DOCK3: variants seen among roughly 807,000 people sequenced by gnomAD.
DOCK3 encodes dedicator of cytokinesis protein 3.
A neutral mutation model predicts 265.6 loss-of-function variants in DOCK3; 60 were observed. The ratio of observed to expected loss-of-function variants is 0.23; its 90% CI spans 0.18 to 0.28. The LOEUF is 0.28. Ranked by LOEUF, DOCK3 falls within the 10% of genes least tolerant of loss-of-function variation. The pLI is 1.00. For synonymous variants in DOCK3, 881 were observed against 938.0 expected, an observed-to-expected ratio of 0.94 and a Z score of 1.11; for missense variants, 1,981 against 2,594.3, an observed-to-expected ratio of 0.76 and a Z score of 5.14.
chr3:50,697,234 G>A (rs998370664), intron 1 of DOCK3, among the ~76,000 whole-genome samples: 3 of 152,004 alleles, frequency 2.0e-5, no homozygotes, highest in African/African-American at 7.2e-5. Flanking sequence ...CCTGCCCATA[G>A]CACTGAATGC....
In DOCK3 at chr3:51,270,887, G is replaced by A. The variant is rs2080459256; in HGVS notation, c.2428G>A (p.Glu810Lys). The A allele has an allele frequency of 6.2e-7, 1 of 1,613,950 alleles. No individual in the cohort carries two copies. The highest frequency in any genetic ancestry group is 1.3e-5 in the African/African-American group (1 of 74,936). The change falls in exon 24 of 53, where the codon GAG (glutamate) becomes AAG (lysine). Residue 810 changes from glutamate (E) to lysine (K), a missense_variant. Around this residue, in one of 4 missense-constraint regions of DOCK3, gnomAD observed 1,357 missense variants for 1,866.8 expected, o/e 0.73. Transcript: ENST00000266037. ...AATGTTCACCGTGCAAGAGGTGGCA[G>A]AGTTTGTGAGAGGGACACTGGGGAG... ...LQMFTVQEVA[E>K]FVRGTLGSMP... is the part of the protein sequence containing the mutation.
intron 10 of DOCK3, among the ~76,000 whole-genome samples, chr3:51,147,195 T>C (rs954888864): frequency 6.6e-6 from 1 of 152,206 alleles, no homozygotes; most frequent in African/African-American, 2.4e-5. Flanking sequence ...TTCTCTGAGC[T>C]GTATAATTTC....
At chr3:51,101,813 A>G (rs1001474216) in intron 9 of DOCK3, among the ~76,000 whole-genome samples, 3 of 151,866 alleles carry the variant, frequency 2.0e-5, no homozygotes, top group East Asian at 1.9e-4. Context: ...TCCCATTTCT[A>G]CTCCTGCCTC....
chr3:50,702,893 G>T (rs1176521658), intron 1 of DOCK3, among the ~76,000 whole-genome samples: 1 of 152,140 alleles, frequency 6.6e-6, no homozygotes, highest in Non-Finnish European at 1.5e-5. Flanking sequence ...AATAAGAGTA[G>T]TGAAAGTGGG....
chr3:51,299,014 G>A (rs2109309631), intron 27 of DOCK3, among the ~76,000 whole-genome samples: 1 of 152,288 alleles, frequency 6.6e-6, no homozygotes, highest in Admixed American at 6.5e-5. Context: ...CACAATGGTT[G>A]AACTAATTTA....
intron 51 of DOCK3, chr3:51,379,381 G>A (rs556082640): frequency 1.0e-6 from 1 of 984,014 alleles, no homozygotes; most frequent in East Asian, 1.1e-4. Context: ...GAAGCCACAA[G>A]CTGTACTTCT....
Position 51,381,614 on chromosome 3 carries a change from C to G in DOCK3, c.*55C>G. On this transcript the variant is annotated 3_prime_UTR_variant, in exon 53 of 53. Coordinates refer to ENST00000266037, the MANE Select transcript of DOCK3 (RefSeq NM_004947.5). This position sits in a 1 kb window ranked among gnomAD's most constrained non-coding sequence, Gnocchi z 5.6. Reference sequence around the variant, plus strand: ...TCAGTAAGCAGCTTGCCAATCACTCCAGGTCTGAAAAGCAAGTCCCCCAGC... The same window carrying G: ...TCAGTAAGCAGCTTGCCAATCACTCGAGGTCTGAAAAGCAAGTCCCCCAGC... The G allele has an allele frequency of 6.9e-7, 1 of 1,445,470 alleles. No individual in the cohort carries two copies. The highest frequency in any genetic ancestry group is 9.1e-7 in the Non-Finnish European group (1 of 1,104,532). The allele number at this position is 1,445,470 out of a possible 1,614,324, so 89.5% of individuals were successfully genotyped here.
chr3:50,678,418 A>G (rs2034142985), intron 1 of DOCK3, among the ~76,000 whole-genome samples: 1 of 152,204 alleles, frequency 6.6e-6, no homozygotes, highest in Non-Finnish European at 1.5e-5. Flanking sequence ...TACCCAGAGT[A>G]CCAAATATAG....
intron 22 of DOCK3, among the ~76,000 whole-genome samples, chr3:51,247,018 A>G (rs1406558892): frequency 6.6e-6 from 1 of 152,124 alleles, no homozygotes; most frequent in Non-Finnish European, 1.5e-5. Context: ...AAGGAGGGAG[A>G]GATGATATGC....
At chr3:50,800,417 T>C (rs1299595633) in intron 2 of DOCK3, among the ~76,000 whole-genome samples, 4 of 152,196 alleles carry the variant, frequency 2.6e-5, no homozygotes, top group Non-Finnish European at 5.9e-5. Context: ...AGTTTACTTT[T>C]GGTATGTTGT....
chr3:50,993,649 A>G (rs773639099), intron 5 of DOCK3, among the ~76,000 whole-genome samples: 24 of 152,230 alleles, frequency 1.6e-4, no homozygotes, highest in African/African-American at 2.2e-4. Context: ...GTTTTACTAA[A>G]TAGTTCTTTA....
At chr3:50,875,868 AAAC>A (rs2047677895) in intron 3 of DOCK3, among the ~76,000 whole-genome samples, 1 of 151,984 alleles carries the variant, frequency 6.6e-6, no homozygotes. Flanking sequence ...AAAAAAAAAA[AAAC>A]AACTGTTGTG....
chr3:51,249,166 C>CG (rs1368555295), intron 22 of DOCK3, among the ~76,000 whole-genome samples: 3 of 146,120 alleles, frequency 2.1e-5, no homozygotes, highest in East Asian at 4.3e-4. Context: ...GGTCAGCCCC[C>CG]CGCCAGGCCA....
At chr3:51,237,415 A>G in intron 20 of DOCK3, 75 bp from the exon 21 acceptor site, 1 of 1,254,926 alleles carries the variant, frequency 8.0e-7, no homozygotes, top group Non-Finnish European at 1.1e-6. Context: ...TTGGAGAAGG[A>G]AGACTCTGTT....
intron 7 of DOCK3, among the ~76,000 whole-genome samples, chr3:51,082,673 A>G (rs2109456178): frequency 6.6e-6 from 1 of 152,198 alleles, no homozygotes; most frequent in South Asian, 2.1e-4. Flanking sequence ...TGCCCCATAC[A>G]CTGCCATGGG....
chr3:50,964,182 T>G (rs1335582717), intron 5 of DOCK3, among the ~76,000 whole-genome samples: 5 of 152,136 alleles, frequency 3.3e-5, no homozygotes, highest in Non-Finnish European at 7.4e-5. Flanking sequence ...AAACAACTGA[T>G]GAAAGCAAGA....
chr3:50,823,276 T>C (rs2106952728), intron 2 of DOCK3, among the ~76,000 whole-genome samples: 1 of 152,310 alleles, frequency 6.6e-6, no homozygotes, highest in Non-Finnish European at 1.5e-5. Flanking sequence ...AACAAAGGTC[T>C]CTGGTTTTCC....
chr3:50,914,801 A>G (rs1294600778), intron 4 of DOCK3, among the ~76,000 whole-genome samples: 1 of 152,108 alleles, frequency 6.6e-6, no homozygotes, highest in Non-Finnish European at 1.5e-5. Context: ...GAAATCTCCA[A>G]CACCAATTCA....
rs559535423 is a variant in DOCK3, at chr3:50,967,788, C to T, written c.315+33711C>T. On this transcript the variant is annotated intron_variant, in intron 5 of 52. Coordinates refer to ENST00000266037, the MANE Select transcript of DOCK3 (RefSeq NM_004947.5). Reference sequence around the variant, plus strand: ...GAGAAAAGGATGGGGGAACCACCCCCATGATTCAGTTATCTCCTGCTGGTC... The same window carrying T: ...GAGAAAAGGATGGGGGAACCACCCCTATGATTCAGTTATCTCCTGCTGGTC... 1.8e-4 allele frequency among the ~76,000 whole-genome samples: 28 copies of T among 152,258 alleles called. 1 individual carries two copies. The South Asian group carries it at 5.4e-3, about 29-fold the overall frequency.
Sources: allele counts gnomAD v4.1 joint callset (sites outside exome capture counted in the v4.1 genomes callset), GRCh38; gene constraint gnomAD v4.1.1; regional missense constraint gnomAD v4.1.1; non-coding constraint Gnocchi (gnomAD v3.1); transcripts MANE v1.5; gene names NCBI Gene and HGNC (gene_info 2026-07-23, HGNC 2026-07-21).